SELENOW: variants seen among roughly 807,000 people sequenced by gnomAD.
SELENOW encodes the protein selenoprotein W, 1.
A neutral mutation model predicts 16.6 loss-of-function variants in SELENOW; 20 were observed. The observed-to-expected ratio is 1.21, with a 90% CI of 0.85 to 1.76. The LOEUF (loss-of-function observed/expected upper bound fraction) is 1.76. Among genes scored for constraint, SELENOW ranks in the 40% most tolerant of loss-of-function variants. SELENOW has a pLI of 0.00. For missense variants in SELENOW, 124 were observed against 111.0 expected, an observed-to-expected ratio of 1.12 and a Z score of -0.53; for synonymous variants, 44 against 46.2, an observed-to-expected ratio of 0.95 and a Z score of 0.19.
chr19:47,780,730 C>A lies in SELENOW; in HGVS notation c.35C>A (p.Ala12Asp). Reference protein sequence around the residue: ...ALAVRVVYCGAUGYKSKYLQL... With the variant: ...ALAVRVVYCGDUGYKSKYLQL... ...GTCTTGGACTCTCCTACCAGTGGCG[C>A]TTGAGGCTACAAGTCCAAGGTAAGC... Residue 12 changes from alanine (A) to aspartate (D), a missense_variant, in exon 2 of 6, where the codon GCT (alanine) becomes GAT (aspartate). Ala to Asp is a moderately radical substitution (Grantham distance 126). Transcript: ENST00000601048. 6.4e-7 allele frequency: 1 copy of A among 1,562,344 alleles called. No individual in the cohort carries two copies. The highest frequency in any genetic ancestry group is 8.7e-7 in the Non-Finnish European group (1 of 1,152,828).
intron 3 of SELENOW, 52 bp downstream of exon 3, chr19:47,780,969 G>A (rs781418683): frequency 1.1e-5 from 17 of 1,598,702 alleles, no homozygotes; most frequent in South Asian, 5.5e-5. Flanking sequence ...GTGTCGGTCC[G>A]TTAGGCCTGG....
At chr19:47,782,780 C>G (rs1023962594) in intron 5 of SELENOW, 2 of 152,272 alleles carry the variant, frequency 1.3e-5, no homozygotes, top group Admixed American at 6.5e-5. Context: ...CTTGGCCTTC[C>G]AAAGTGTTGG....
chr19:47,780,490 C>T (rs796835531), intron 1 of SELENOW: 2 of 576,066 alleles, frequency 3.5e-6, no homozygotes, highest in Admixed American at 3.0e-5. Flanking sequence ...CTGTGTGTCT[C>T]TGTGTGTCCC....
In SELENOW at chr19:47,778,706, C is replaced by A. The variant is rs961533742; in HGVS notation, c.-80C>A. On this transcript the variant is annotated 5_prime_UTR_variant, in exon 1 of 6. Coordinates refer to ENST00000601048, the MANE Select transcript of SELENOW (RefSeq NM_003009.4). ...TTTCTGCGCAGGTTCCCGCCGCACT[C>A]GCGCAGACCTAGCGCGTCCAGGTGG... is the stretch of plus-strand genomic sequence containing the variant. The A allele has an allele frequency of 2.5e-5, 38 of 1,497,486 alleles. No individual in the cohort carries two copies. In the African/African-American group the frequency reaches 4.5e-4, roughly 18 times the overall value. The allele number at this position is 1,497,486 out of a possible 1,614,324, so 92.8% of individuals were successfully genotyped here. A position where few individuals can be genotyped will look rare whatever the true frequency, so the allele number is the denominator to read the frequency against.
intron 1 of SELENOW, 80 bp downstream of exon 1, chr19:47,778,894 G>A: frequency 6.9e-7 from 1 of 1,441,512 alleles, no homozygotes; most frequent in East Asian, 2.4e-5. Flanking sequence ...GGAGCCCCGG[G>A]GAGAGGACCC....
Position 47,781,404 on chromosome 19 carries a change from A to G in SELENOW, c.*18+16A>G, listed in dbSNP as rs1230888129. ...GAAGGCAGAGGTGAGGGGGCCCACT[A>G]GACAGGGACACCACCCTTTGGATCT... On this transcript the variant is annotated intron_variant, in intron 5 of 5. Coordinates refer to ENST00000601048, the MANE Select transcript of SELENOW (RefSeq NM_003009.4). 1 of 1,330,704 alleles carries G rather than the reference A, an allele frequency of 7.5e-7. No individual in the cohort carries two copies. Among genetic ancestry groups the G allele is most frequent in the Admixed American group, 2.0e-5 (1 of 51,012 alleles). 82.4% of individuals were successfully genotyped at this position (1,330,704 alleles called of 1,614,324 possible). A position where few individuals can be genotyped will look rare whatever the true frequency, so the allele number is the denominator to read the frequency against.
chr19:47,780,431 TC>T (rs1967459545), intron 1 of SELENOW: 4 of 512,636 alleles, frequency 7.8e-6, no homozygotes, highest in Middle Eastern at 5.4e-4. Context: ...GTCTCCTCTC[TC>T]CCCTTTTTCC....
At chr19:47,779,239 A>T in intron 1 of SELENOW, 1 of 169,462 alleles carries the variant, frequency 5.9e-6, no homozygotes, top group Non-Finnish European at 1.3e-5. Context: ...CCTGTGTTTC[A>T]GAAGCACTTG....
chr19:47,778,936 C>G, intron 1 of SELENOW, 122 bp downstream of exon 1: 2 of 984,820 alleles, frequency 2.0e-6, no homozygotes, highest in Non-Finnish European at 2.9e-6. Context: ...AAGGGAGCCC[C>G]TGTATGTGGG....
intron 1 of SELENOW, chr19:47,780,346 A>G: frequency 2.7e-6 from 1 of 374,496 alleles, no homozygotes; most frequent in Non-Finnish European, 5.2e-6. Context: ...TGGGGACCTT[A>G]CGTGTGCTGT....
At position 47,781,168 on chromosome 19, in the gene SELENOW, AT is replaced by A; in HGVS notation, c.171del (p.His58ThrfsTer?). On this transcript the variant is annotated frameshift_variant, in exon 4 of 6. Transcript: ENST00000601048. LOFTEE classifies it high-confidence loss of function. ...TGAAGTGATGGTAGCCGGGAAGTTG[AT>A]TCACTCTAAGAAGGTATGTCTGTCT... ...FFEVMVAGKL[I>X]HSKKKGDGYV... The A allele has an allele frequency of 6.2e-7, 1 of 1,613,690 alleles. No homozygotes were observed. Among genetic ancestry groups the A allele is most frequent in the Non-Finnish European group, 8.5e-7 (1 of 1,179,780 alleles).
At chr19:47,783,664 C>T (rs956439436) in intron 5 of SELENOW, 2 of 152,180 alleles carry the variant, frequency 1.3e-5, no homozygotes, top group African/African-American at 2.4e-5. Flanking sequence ...GTTCCATTTC[C>T]TAAAATTCTT....
At position 47,780,863 on chromosome 19, in the gene SELENOW, G is replaced by C; in HGVS notation, c.55-1G>C. ...GCTGTGACCTCTCACCGCGTTTTCAGTATCTTCAGCTCAAGAAGAAGTTAG... is the reference window on the plus strand; with the variant it reads ...GCTGTGACCTCTCACCGCGTTTTCACTATCTTCAGCTCAAGAAGAAGTTAG... On this transcript the variant is annotated splice_acceptor_variant, in intron 2 of 5. Transcript: ENST00000601048. LOFTEE classifies it high-confidence loss of function. 6.2e-7 allele frequency: 1 copy of C among 1,612,934 alleles called. No homozygotes were observed. Among genetic ancestry groups the C allele is most frequent in the Non-Finnish European group, 8.5e-7 (1 of 1,179,566 alleles).
chr19:47,781,530 C>T, intron 5 of SELENOW, 142 bp downstream of exon 5: 1 of 622,764 alleles, frequency 1.6e-6, no homozygotes, highest in Non-Finnish European at 2.9e-6. Context: ...TAAAGTTAGA[C>T]CCGGTTGGTG....
intron 5 of SELENOW, chr19:47,782,352 C>A (rs924555433): frequency 2.6e-5 from 4 of 152,130 alleles, no homozygotes; most frequent in African/African-American, 9.7e-5. Context: ...TCCAAAAAAA[C>A]CCTAGAGCTG....
chr19:47,780,639 A>C (rs1599935904), intron 1 of SELENOW, 86 bp from the exon 2 acceptor site: 2,014 of 1,174,304 alleles, frequency 1.7e-3, no homozygotes, highest in Non-Finnish European at 2.2e-3. Context: ...CTCTCTCCCC[A>C]CACCGCCTGT....
At chr19:47,784,251 C>G (rs976104504) in intron 5 of SELENOW, 39 bp from the exon 6 acceptor site, 2 of 152,892 alleles carry the variant, frequency 1.3e-5, no homozygotes, top group Admixed American at 6.6e-5. Context: ...TTCCTGCAAA[C>G]TGACTCCCTA....
intron 1 of SELENOW, 154 bp from the exon 2 acceptor site, chr19:47,780,571 G>A: frequency 1.5e-6 from 1 of 659,568 alleles, no homozygotes; most frequent in Non-Finnish European, 2.7e-6. Flanking sequence ...GAGGGCATCT[G>A]TCACCTCTTC....
Position 47,778,757 on chromosome 19 carries a change from C to G in SELENOW, c.-29C>G. On this transcript the variant is annotated 5_prime_UTR_variant, in exon 1 of 6. Coordinates refer to ENST00000601048, the MANE Select transcript of SELENOW (RefSeq NM_003009.4). ...GAGGTTAGTGTGGCCCGGGCGTCCG[C>G]TCCTCAGCGGATGTGGCAGCCCCGA... 5 of 1,598,536 alleles carry G rather than the reference C, an allele frequency of 3.1e-6. No homozygotes were observed. The highest frequency in any genetic ancestry group is 4.3e-6 in the Non-Finnish European group (5 of 1,173,526).
Sources: allele counts gnomAD v4.1 joint callset, GRCh38; gene constraint gnomAD v4.1.1; transcripts MANE v1.5; gene names NCBI Gene and HGNC (gene_info 2026-07-23, HGNC 2026-07-21).